Variants in PID1 observed in about 807,000 individuals in gnomAD.
PID1 encodes PTB-containing, cubilin and LRP1-interacting protein.
PID1 carries 10 observed loss-of-function variants against 19.1 expected under a neutral mutation model. That is an observed-to-expected ratio of 0.52 (90% CI 0.32 to 0.89). The LOEUF is 0.89. Ranked by LOEUF, PID1 falls within the 40% of genes least tolerant of loss-of-function variation. PID1 has a pLI of 0.03. For synonymous variants in PID1, 130 were observed against 116.0 expected (o/e 1.12, Z -0.78); for missense variants, 248 against 285.3 (o/e 0.87, Z 0.94).
At chr2:229,164,388 T>C (rs1160023681) in intron 1 of PID1, among the ~76,000 whole-genome samples, 2 of 152,102 alleles carry the variant, frequency 1.3e-5, no homozygotes, top group Admixed American at 1.3e-4. Flanking sequence ...TGTGAGTCAG[T>C]GAATGATAGA....
chr2:229,242,689 G>T (rs1689900858), intron 1 of PID1, among the ~76,000 whole-genome samples: 1 of 152,038 alleles, frequency 6.6e-6, no homozygotes, highest in Non-Finnish European at 1.5e-5. Context: ...TTCCCTGCTT[G>T]CAATACATTT....
rs2106293185 is a variant in PID1, at chr2:229,262,943, G to A, written c.30+8071C>T. ...TCTAGGGTTCACCCTAATTCAATAT[G>A]ACCTCATCTTAACTTGCTTACATCT... On this transcript the variant is annotated intron_variant, in intron 1 of 2. Coordinates refer to ENST00000392055, the MANE Select transcript of PID1 (RefSeq NM_001100818.2). 9 of 1,412,112 alleles carry A rather than the reference G, an allele frequency of 6.4e-6. No homozygotes were observed. In the South Asian group the frequency reaches 1.3e-4, roughly 20 times the overall value. The allele number at this position is 1,412,112 out of a possible 1,614,324, so 87.5% of individuals were successfully genotyped here.
chr2:229,172,124 C>G lies in PID1; in HGVS notation c.31-16160G>C, dbSNP rs115599077. Among the ~76,000 whole-genome samples, 1,439 of 152,264 alleles carry G rather than the reference C, an allele frequency of 9.5e-3. 26 individuals carry two copies. Among genetic ancestry groups the G allele is most frequent in the African/African-American group, 0.033 (1,383 of 41,558 alleles). ...AGGGCTCCTTCCCGCCAGATCCTAG[C>G]AAAGAAGTCAAAGCATTCCAATGAG... is the stretch of plus-strand genomic sequence containing the variant. On this transcript the variant is annotated intron_variant, in intron 1 of 2. Coordinates refer to ENST00000392055, the MANE Select transcript of PID1 (RefSeq NM_001100818.2).
At chr2:229,080,762 G>A (rs1405857335) in intron 2 of PID1, among the ~76,000 whole-genome samples, 5 of 152,158 alleles carry the variant, frequency 3.3e-5, no homozygotes, top group East Asian at 1.9e-4. Context: ...TCAAAATGCA[G>A]TCACATATGT....
At chr2:229,120,238 A>G (rs942646209) in intron 2 of PID1, among the ~76,000 whole-genome samples, 1 of 152,154 alleles carries the variant, frequency 6.6e-6, no homozygotes, top group Non-Finnish European at 1.5e-5. Context: ...GATTCCCCCA[A>G]AACTTAACTA....
At chr2:229,082,146 AC>A in intron 2 of PID1, among the ~76,000 whole-genome samples, 1 of 152,358 alleles carries the variant, frequency 6.6e-6, no homozygotes, top group East Asian at 1.9e-4. Flanking sequence ...ACTCAGAGTA[AC>A]TGCTCAAGTT....
chr2:229,045,424 A>T (rs1231517228), intron 2 of PID1, among the ~76,000 whole-genome samples: 6 of 152,252 alleles, frequency 3.9e-5, no homozygotes, highest in African/African-American at 1.4e-4. Flanking sequence ...CCAACCTGAT[A>T]CTTATGCTCT....
rs988248395 is a variant in PID1 at position 229,054,726 on chromosome 2, G to T, written c.178-28618C>A. ...GCAGTGTGTGTGTGTGTGTGGGGGG[G>T]GGGGGGGGTCTGGTTTTACTCAATT... On this transcript the variant is annotated intron_variant, in intron 2 of 2. Transcript: ENST00000392055. 6.2e-4 allele frequency among the ~76,000 whole-genome samples: 80 copies of T among 128,572 alleles called. 6 individuals are homozygous for T. The highest frequency in any genetic ancestry group is 2.1e-3 in the African/African-American group (75 of 34,976). 84.3% of individuals were successfully genotyped at this position (128,572 alleles called of 152,430 possible). A position where few individuals can be genotyped will look rare whatever the true frequency, so the allele number is the denominator to read the frequency against.
intron 2 of PID1, among the ~76,000 whole-genome samples, chr2:229,102,887 C>T (rs928254882): frequency 1.3e-5 from 2 of 152,176 alleles, no homozygotes; most frequent in Non-Finnish European, 2.9e-5. Flanking sequence ...GGAGAAGATG[C>T]TGTCTTTCAG....
intron 2 of PID1, among the ~76,000 whole-genome samples, chr2:229,093,711 T>A (rs529677469): frequency 5.8e-4 from 89 of 152,138 alleles, no homozygotes; most frequent in African/African-American, 2.1e-3. Context: ...TACCATCATC[T>A]CAATAGATGC....
intron 1 of PID1, among the ~76,000 whole-genome samples, chr2:229,264,115 C>T (rs1015952933): frequency 3.3e-5 from 5 of 152,200 alleles, no homozygotes; most frequent in African/African-American, 9.7e-5. Context: ...CACAGCACCC[C>T]TTCTCTGTGC....
chr2:229,097,920 T>G (rs1695002320), intron 2 of PID1, among the ~76,000 whole-genome samples: 1 of 152,206 alleles, frequency 6.6e-6, no homozygotes, highest in African/African-American at 2.4e-5. Flanking sequence ...AAGGTTTATC[T>G]GAATTGTTCT....
chr2:229,080,062 C>T (rs977588528), intron 2 of PID1, among the ~76,000 whole-genome samples: 1 of 152,124 alleles, frequency 6.6e-6, no homozygotes, highest in African/African-American at 2.4e-5. Flanking sequence ...CTCCTGCCTC[C>T]CTGTTCTCCA....
chr2:229,181,362 G>A (rs1690943381), intron 1 of PID1, among the ~76,000 whole-genome samples: 3 of 151,352 alleles, frequency 2.0e-5, no homozygotes, highest in African/African-American at 7.3e-5. Flanking sequence ...CCAAAAAGGT[G>A]AACAGCAGAA....
intron 1 of PID1, among the ~76,000 whole-genome samples, chr2:229,229,288 C>T (rs1362053974): frequency 6.6e-6 from 1 of 152,184 alleles, no homozygotes; most frequent in Non-Finnish European, 1.5e-5. Flanking sequence ...CTACTGTGGC[C>T]TCCCAAACTC....
At chr2:229,189,160 AAG>A (rs1691203329) in intron 1 of PID1, among the ~76,000 whole-genome samples, 1 of 152,206 alleles carries the variant, frequency 6.6e-6, no homozygotes, top group African/African-American at 2.4e-5. Context: ...GTTCTTGCAA[AAG>A]AGTGCCTTTC....
chr2:229,222,040 C>T (rs1034043652), intron 1 of PID1, among the ~76,000 whole-genome samples: 4 of 152,244 alleles, frequency 2.6e-5, no homozygotes, highest in Non-Finnish European at 5.9e-5. Flanking sequence ...CTCTCCCACT[C>T]GGAAGCCTTC....
intron 1 of PID1, among the ~76,000 whole-genome samples, chr2:229,241,326 T>C (rs1192873412): frequency 1.3e-5 from 2 of 152,170 alleles, no homozygotes; most frequent in East Asian, 3.9e-4. Flanking sequence ...AACAGGACTA[T>C]TGATTTGTGT....
intron 2 of PID1, among the ~76,000 whole-genome samples, chr2:229,049,534 C>A (rs896138025): frequency 2.0e-5 from 3 of 152,134 alleles, no homozygotes; most frequent in Admixed American, 1.3e-4. Flanking sequence ...ATACCATGAG[C>A]AATTATAAGC....
Sources: allele counts gnomAD v4.1 joint callset (sites outside exome capture counted in the v4.1 genomes callset), GRCh38; gene constraint gnomAD v4.1.1; transcripts MANE v1.5; gene names NCBI Gene and HGNC (gene_info 2026-07-23, HGNC 2026-07-21).